DNAH8: variants seen among roughly 807,000 people sequenced by gnomAD.
DNAH8 encodes axonemal beta dynein heavy chain 8.
A neutral mutation model predicts 562.1 loss-of-function variants in DNAH8; 382 were observed. The ratio of observed to expected loss-of-function variants is 0.68; its 90% confidence interval spans 0.63 to 0.74. The LOEUF (loss-of-function observed/expected upper bound fraction) is 0.74. Ranked by LOEUF, DNAH8 falls within the 30% of genes least tolerant of loss-of-function variation. The pLI, the probability that DNAH8 is intolerant of heterozygous loss-of-function variation, is 0.00. For synonymous variants in DNAH8, 1,881 were observed against 1,919.4 expected, an observed-to-expected ratio of 0.98 and a Z score of 0.52; for missense variants, 5,203 against 5,620.4, an observed-to-expected ratio of 0.93 and a Z score of 2.37.
chr6:38,935,694 A>C lies in DNAH8; in HGVS notation c.11560A>C (p.Lys3854Gln), dbSNP rs1485362599. The C allele has an allele frequency of 6.3e-7, 1 of 1,597,932 alleles. No homozygotes were observed. The highest frequency in any genetic ancestry group is 8.6e-7 in the Non-Finnish European group (1 of 1,168,608). The change falls in exon 77 of 93, where the codon AAA becomes CAA. Residue 3854 changes from lysine (K) to glutamine (Q), a missense_variant. Around this residue, in one of 6 missense-constraint regions of DNAH8, gnomAD observed 1,399 missense variants for 1,518.4 expected, o/e 0.92. Coordinates refer to ENST00000327475, the MANE Select transcript of DNAH8 (RefSeq NM_001206927.2). ...DNLLYKLSAT[K>Q]GSLVDDESLI... ...CCTCCTCTATAAATTAAGTGCTACAAAAGGTATTGTGTTATTAAGAAGTAA... is the reference window on the plus strand; with the variant it reads ...CCTCCTCTATAAATTAAGTGCTACACAAGGTATTGTGTTATTAAGAAGTAA...
chr6:38,838,111 A>G, intron 33 of DNAH8, 69 bp downstream of exon 33: 1 of 995,606 alleles, frequency 1.0e-6, no homozygotes, highest in Middle Eastern at 2.3e-4. Flanking sequence ...GAATCATGTC[A>G]CCATTAAATC....
intron 91 of DNAH8, 71 bp from the exon 92 acceptor site, chr6:39,026,475 A>G (rs1561989513): frequency 3.4e-6 from 5 of 1,469,394 alleles, no homozygotes; most frequent in East Asian, 4.6e-5. Flanking sequence ...AGTAACACTT[A>G]ACATTGCTTC....
intron 21 of DNAH8, among the ~76,000 whole-genome samples, chr6:38,796,291 G>A (rs560057219): frequency 8.5e-5 from 13 of 152,068 alleles, no homozygotes; most frequent in Non-Finnish European, 1.5e-4. Context: ...TAGCAGTGCT[G>A]GCTGGGCAGC....
chr6:38,820,117 A>G (rs1772689158), intron 26 of DNAH8, among the ~76,000 whole-genome samples: 1 of 152,226 alleles, frequency 6.6e-6, no homozygotes, highest in Admixed American at 6.5e-5. Flanking sequence ...AGTTAAAAAT[A>G]GCTGAGAAAA....
At position 38,885,208 on chromosome 6, in the gene DNAH8, T is replaced by C. The variant is rs138784513; in HGVS notation, c.8259+1210T>C. On this transcript the variant is annotated intron_variant, in intron 56 of 92. Transcript: ENST00000327475. ...CCGAACTCACGTATCCAACTAGGGA[T>C]GTCTGGTTGGATCGCAAACTTAACA... Among the ~76,000 whole-genome samples, 259 of 152,320 alleles carry C rather than the reference T, an allele frequency of 1.7e-3. 1 individual carries two copies. Among genetic ancestry groups the C allele is most frequent in the Non-Finnish European group, 3.2e-3 (216 of 68,034 alleles).
chr6:38,815,436 C>G, intron 25 of DNAH8, 32 bp from the exon 26 acceptor site: 3 of 1,551,910 alleles, frequency 1.9e-6, no homozygotes, highest in Non-Finnish European at 2.7e-6. Context: ...TATGTGCCGG[C>G]AGTATTACAC....
chr6:38,800,198 C>T (rs1354280572), intron 21 of DNAH8, among the ~76,000 whole-genome samples: 2 of 151,864 alleles, frequency 1.3e-5, no homozygotes, highest in African/African-American at 2.4e-5. Context: ...AATGCTGCTG[C>T]GAACATAAGT....
At chr6:38,792,640 T>C (rs144747988) in intron 21 of DNAH8, among the ~76,000 whole-genome samples, 186 of 152,314 alleles carry the variant, frequency 1.2e-3, no homozygotes, top group African/African-American at 4.1e-3. Flanking sequence ...AGCATTGTTA[T>C]GTTGAAACTA....
At position 38,898,361 on chromosome 6, in the gene DNAH8, C is replaced by A. The variant is rs773738434; in HGVS notation, c.9044C>A (p.Ala3015Glu). The A allele has an allele frequency of 1.5e-5, 23 of 1,577,838 alleles. No individual in the cohort carries two copies. Among genetic ancestry groups the A allele is most frequent in the Non-Finnish European group, 1.7e-5 (20 of 1,168,042 alleles). ...CTTGATCTGGTGTTTTTTAAAGATG[C>A]AATGACTCATCTTATTAAGGTCCTA... ...TSLDLVFFKD[A>E]MTHLIKISRI... Residue 3015 changes from alanine (A) to glutamate (E), a missense_variant, in exon 61 of 93, where the codon GCA becomes GAA. Physicochemically the swap from Ala to Glu is moderately radical, Grantham distance 107. Coordinates refer to ENST00000327475, the MANE Select transcript of DNAH8 (RefSeq NM_001206927.2).
intron 73 of DNAH8, among the ~76,000 whole-genome samples, chr6:38,925,451 C>A (rs1250971837): frequency 1.3e-5 from 2 of 151,860 alleles, no homozygotes; most frequent in African/African-American, 4.8e-5. Flanking sequence ...CCCTCCCAGA[C>A]TCCCAAAATG....
chr6:38,907,964 C>A lies in DNAH8; in HGVS notation c.9357C>A (p.Asn3119Lys), dbSNP rs1469844079. The A allele has an allele frequency of 6.3e-7, 1 of 1,596,494 alleles. No individual in the cohort carries two copies. Among genetic ancestry groups the A allele is most frequent in the Non-Finnish European group, 8.5e-7 (1 of 1,173,242 alleles). Residue 3119 changes from asparagine (N) to lysine (K), a missense_variant, in exon 64 of 93, where the codon AAC (asparagine) becomes AAA (lysine). Physicochemically the swap from Asn to Lys is moderately conservative, Grantham distance 94. This residue lies in a region of DNAH8 where 977 missense variants were observed against 1,061.8 expected (regional missense o/e 0.92). Transcript: ENST00000327475. Reference sequence around the variant, plus strand: ...TTGTCCATTCCTTAAAGATCTCCAACTTGTTTGCACGAGATGAGATGGATG... The same window carrying A: ...TTGTCCATTCCTTAAAGATCTCCAAATTGTTTGCACGAGATGAGATGGATG... ...NNLLSSGEIS[N>K]LFARDEMDEI...
intron 12 of DNAH8, among the ~76,000 whole-genome samples, chr6:38,772,996 T>TTTTTGTTGTTGTTG (rs1554205957): frequency 2.7e-5 from 3 of 109,978 alleles, no homozygotes; most frequent in African/African-American, 1.1e-4. Context: ...TTTTTTTTTT[T>TTTTTGTTGTTGTTG]TTGTAGAGAT....
intron 79 of DNAH8, among the ~76,000 whole-genome samples, chr6:38,939,917 C>T (rs898123132): frequency 6.6e-6 from 1 of 152,026 alleles, no homozygotes; most frequent in Non-Finnish European, 1.5e-5. Flanking sequence ...AGAAAGGGAA[C>T]GAGTGGAGAA....
intron 11 of DNAH8, among the ~76,000 whole-genome samples, chr6:38,767,647 G>A (rs1229416980): frequency 6.6e-6 from 1 of 152,106 alleles, no homozygotes; most frequent in African/African-American, 2.4e-5. Context: ...TTATAGCTGA[G>A]TAATATATTC....
At chr6:38,889,534 T>C (rs1779191185) in intron 57 of DNAH8, among the ~76,000 whole-genome samples, 1 of 152,186 alleles carries the variant, frequency 6.6e-6, no homozygotes, top group Non-Finnish European at 1.5e-5. Context: ...CTATTTGACA[T>C]ACTCTTCAGT....
intron 53 of DNAH8, among the ~76,000 whole-genome samples, chr6:38,878,980 G>C (rs1339551403): frequency 6.6e-6 from 1 of 151,898 alleles, no homozygotes; most frequent in Non-Finnish European, 1.5e-5. Context: ...ATAACATTTT[G>C]TTCCCCATAA....
intron 88 of DNAH8, among the ~76,000 whole-genome samples, chr6:39,005,936 T>G (rs1765773930): frequency 6.6e-6 from 1 of 152,236 alleles, no homozygotes; most frequent in South Asian, 2.1e-4. Context: ...GCGGGAGGGA[T>G]TTGGCTTGCC....
rs751691769 is a variant in DNAH8 at position 38,832,318 on chromosome 6, G to A, written c.4189-4G>A. 8 of 1,573,706 alleles carry A rather than the reference G, an allele frequency of 5.1e-6. No homozygotes were observed. In the Admixed American group the frequency reaches 5.1e-5, roughly 10 times the overall value. On this transcript the variant is annotated splice_region_variant and splice_polypyrimidine_tract_variant and intron_variant, in intron 30 of 92. Coordinates refer to ENST00000327475, the MANE Select transcript of DNAH8 (RefSeq NM_001206927.2). ...CTCAGGTTGAATATTCTTTTTTATT[G>A]TAGGTTTCAGTACAAGAGGACCTAG...
chr6:38,907,396 G>A (rs1780562007), intron 63 of DNAH8, among the ~76,000 whole-genome samples: 1 of 152,180 alleles, frequency 6.6e-6, no homozygotes, highest in Non-Finnish European at 1.5e-5. Context: ...TAGAAGGAAA[G>A]CAGATAGATG....
Sources: allele counts gnomAD v4.1 joint callset (sites outside exome capture counted in the v4.1 genomes callset), GRCh38; gene constraint gnomAD v4.1.1; regional missense constraint gnomAD v4.1.1; transcripts MANE v1.5; gene names NCBI Gene and HGNC (gene_info 2026-07-23, HGNC 2026-07-21).